Variants in MOB3B observed in about 807,000 individuals in gnomAD.
MOB3B encodes MOB kinase activator-like 2B.
In MOB3B, 7 loss-of-function variants were observed where a neutral mutation model predicts 18.7. That is an observed-to-expected ratio of 0.37 (90% CI 0.21 to 0.70). The LOEUF is 0.70. Ranked by LOEUF, MOB3B falls within the 30% of genes least tolerant of loss-of-function variation. MOB3B has a pLI of 0.52. For synonymous variants in MOB3B, 111 were observed against 99.9 expected, an observed-to-expected ratio of 1.11 and a Z score of -0.66; for missense variants, 253 against 281.3, an observed-to-expected ratio of 0.90 and a Z score of 0.72.
In MOB3B at chr9:27,494,547, C is replaced by T. The variant is rs1819869548; in HGVS notation, c.-199+35008G>A. ...AAAAGAACCTACGTGAATATCAGGG[C>T]AGATTCCCCAATACTGGAGTGCAGT... On this transcript the variant is annotated intron_variant, in intron 1 of 3. Transcript: ENST00000262244. Among the ~76,000 whole-genome samples the T allele has an allele frequency of 4.6e-5, 7 of 152,232 alleles. No individual in the cohort carries two copies. The South Asian group carries it at 1.5e-3, about 32-fold the overall frequency.
Position 27,330,527 on chromosome 9 carries a change from G to GC in MOB3B, c.*59dup. The stretch of plus-strand genomic sequence containing the variant: ...TTTCAGCCAGGGTGGTCCACCTCCT[G>GC]CCCGCTCAGGGCACCAGGAGGAAAC... On this transcript the variant is annotated 3_prime_UTR_variant, in exon 4 of 4. Transcript: ENST00000262244. 1 of 1,611,616 alleles carries GC rather than the reference G, an allele frequency of 6.2e-7. No individual in the cohort carries two copies. Among genetic ancestry groups the GC allele is most frequent in the Non-Finnish European group, 8.5e-7 (1 of 1,178,848 alleles).
At chr9:27,419,117 A>G (rs1162055629) in intron 2 of MOB3B, among the ~76,000 whole-genome samples, 1 of 151,608 alleles carries the variant, frequency 6.6e-6, no homozygotes, top group Admixed American at 6.6e-5. Context: ...AAAGACCTCT[A>G]CAAGGAAAAC....
chr9:27,409,562 C>G lies in MOB3B; in HGVS notation c.418+45571G>C, dbSNP rs185276331. On this transcript the variant is annotated intron_variant, in intron 2 of 3. Coordinates refer to ENST00000262244, the MANE Select transcript of MOB3B (RefSeq NM_024761.5). ...GTTAAACATAGAATTATCATATGCT[C>G]CGGCAATTCCACATCTAGGTATATA... Among the ~76,000 whole-genome samples, 69 of 152,154 alleles carry G rather than the reference C, an allele frequency of 4.5e-4. 1 individual carries two copies. Among genetic ancestry groups the G allele is most frequent in the Admixed American group, 3.5e-3 (54 of 15,270 alleles).
chr9:27,419,834 C>A (rs572303358), intron 2 of MOB3B, among the ~76,000 whole-genome samples: 1 of 151,874 alleles, frequency 6.6e-6, no homozygotes, highest in African/African-American at 2.4e-5. Flanking sequence ...AGCTTTTGCA[C>A]GAAAAAAGGA....
At chr9:27,524,485 G>C in intron 1 of MOB3B, 6 of 1,614,098 alleles carry the variant, frequency 3.7e-6, no homozygotes, top group Non-Finnish European at 4.2e-6. Flanking sequence ...CATCTGAGTA[G>C]TATGAGCAAT....
At chr9:27,340,542 T>C (rs140759494) in intron 3 of MOB3B, among the ~76,000 whole-genome samples, 70 of 152,308 alleles carry the variant, frequency 4.6e-4, no homozygotes, top group African/African-American at 1.7e-3. Flanking sequence ...GTGGTCACTG[T>C]ATCTCTGCAG....
At chr9:27,407,562 A>T (rs564495247) in intron 2 of MOB3B, among the ~76,000 whole-genome samples, 1 of 152,280 alleles carries the variant, frequency 6.6e-6, no homozygotes, top group East Asian at 1.9e-4. Context: ...GGCCCAGAGT[A>T]CTGGCCTTCC....
In MOB3B at chr9:27,528,488, G is replaced by A. The variant is rs553118987; in HGVS notation, c.-199+1067C>T. On this transcript the variant is annotated intron_variant, in intron 1 of 3. Transcript: ENST00000262244. ...CTGGGCCACAGGCAGCAGCGGAGGC[G>A]GGGAAGGAACAACTTTCCCTCCGCC... 9.8e-5 allele frequency among the ~76,000 whole-genome samples: 15 copies of A among 152,338 alleles called. No homozygotes were observed. In the South Asian group the frequency reaches 1.7e-3, roughly 17 times the overall value.
chr9:27,491,055 C>G (rs1445572916), intron 1 of MOB3B, among the ~76,000 whole-genome samples: 5 of 151,308 alleles, frequency 3.3e-5, no homozygotes, highest in Non-Finnish European at 7.4e-5. Context: ...ATAATTGCAA[C>G]AAACGGTCCT....
chr9:27,510,234 A>G (rs986092519), intron 1 of MOB3B, among the ~76,000 whole-genome samples: 6 of 152,358 alleles, frequency 3.9e-5, no homozygotes, highest in African/African-American at 1.4e-4. Flanking sequence ...AATATAAAAC[A>G]TTTGAGTTTT....
chr9:27,352,684 G>T (rs1821122021), intron 3 of MOB3B, among the ~76,000 whole-genome samples: 1 of 152,174 alleles, frequency 6.6e-6, no homozygotes, highest in South Asian at 2.1e-4. Context: ...CCAGGGTGGA[G>T]GCATGAGGAA....
At chr9:27,507,915 G>C (rs547850513) in intron 1 of MOB3B, among the ~76,000 whole-genome samples, 3 of 152,206 alleles carry the variant, frequency 2.0e-5, no homozygotes, top group African/African-American at 7.2e-5. Flanking sequence ...AGCGATTAAA[G>C]CTGGTAATTA....
intron 2 of MOB3B, among the ~76,000 whole-genome samples, chr9:27,426,560 G>A (rs1431988461): frequency 6.6e-6 from 1 of 152,196 alleles, no homozygotes; most frequent in Non-Finnish European, 1.5e-5. Flanking sequence ...TCTGAAGCTC[G>A]CTCCAGAGCG....
At chr9:27,457,462 C>G (rs1819196791) in intron 1 of MOB3B, among the ~76,000 whole-genome samples, 1 of 152,218 alleles carries the variant, frequency 6.6e-6, no homozygotes, top group Admixed American at 6.5e-5. Context: ...CACACTCAAA[C>G]AGGGCTTGAT....
chr9:27,525,524 A>G (rs700783), intron 1 of MOB3B, among the ~76,000 whole-genome samples: 142,528 of 152,190 alleles, frequency 0.94, 67,296 homozygotes, highest in East Asian at 1. Context: ...CTTGTGGAAT[A>G]GTATTTCATT....
At chr9:27,415,302 A>C (rs1822127882) in intron 2 of MOB3B, among the ~76,000 whole-genome samples, 1 of 152,206 alleles carries the variant, frequency 6.6e-6, no homozygotes, top group African/African-American at 2.4e-5. Flanking sequence ...GCTTTTAGAA[A>C]AATTATAAAA....
chr9:27,420,104 A>AT (rs1563864279), intron 2 of MOB3B, among the ~76,000 whole-genome samples: 2 of 151,952 alleles, frequency 1.3e-5, no homozygotes, highest in East Asian at 3.9e-4. Flanking sequence ...ACCACAATGC[A>AT]ATACCACCTT....
intron 1 of MOB3B, among the ~76,000 whole-genome samples, chr9:27,468,809 T>C (rs1448690104): frequency 6.6e-6 from 1 of 152,202 alleles, no homozygotes; most frequent in Non-Finnish European, 1.5e-5. Flanking sequence ...ATAATCATAA[T>C]GAGACAATGG....
At chr9:27,411,865 C>A (rs191753780) in intron 2 of MOB3B, among the ~76,000 whole-genome samples, 1 of 152,044 alleles carries the variant, frequency 6.6e-6, no homozygotes, top group Non-Finnish European at 1.5e-5. Flanking sequence ...TTTTGGTTCA[C>A]CAATTATAAC....
Sources: allele counts gnomAD v4.1 joint callset (sites outside exome capture counted in the v4.1 genomes callset), GRCh38; gene constraint gnomAD v4.1.1; transcripts MANE v1.5; gene names NCBI Gene and HGNC (gene_info 2026-07-23, HGNC 2026-07-21).